SSBP3: variants seen among roughly 807,000 people sequenced by gnomAD.
SSBP3 encodes the protein single stranded DNA binding protein 3.
SSBP3 carries 5 observed loss-of-function variants against 69.6 expected under a neutral mutation model. The observed-to-expected ratio is 0.07, with a 90% confidence interval of 0.04 to 0.15. The LOEUF is 0.15. SSBP3 is among the 10% of genes least tolerant of loss of function. The probability of loss-of-function intolerance (pLI) is 1.00; values close to 1 mark genes in which losing one functional copy is unlikely to be tolerated. For missense variants in SSBP3, 312 were observed against 534.0 expected, an observed-to-expected ratio of 0.58 and a Z score of 4.10; for synonymous variants, 196 against 193.4, an observed-to-expected ratio of 1.01 and a Z score of -0.11.
intron 7 of SSBP3, among the ~76,000 whole-genome samples, chr1:54,253,181 T>TA (rs1644861291): frequency 6.8e-6 from 1 of 146,318 alleles, no homozygotes; most frequent in African/African-American, 2.6e-5. Flanking sequence ...TTTGTTTTTT[T>TA]TTTAGTTTTT....
intron 4 of SSBP3, among the ~76,000 whole-genome samples, chr1:54,396,695 A>C (rs920075587): frequency 6.6e-6 from 1 of 152,184 alleles, no homozygotes; most frequent in Non-Finnish European, 1.5e-5. Flanking sequence ...CCAAGTTTGC[A>C]AATGCTTAGC....
chr1:54,401,579 G>C (rs1411589908), intron 4 of SSBP3, among the ~76,000 whole-genome samples: 1 of 152,148 alleles, frequency 6.6e-6, no homozygotes. Flanking sequence ...CTTAACATAA[G>C]TCTCACAGTT....
intron 4 of SSBP3, among the ~76,000 whole-genome samples, chr1:54,362,590 G>A (rs1646966545): frequency 6.6e-6 from 1 of 152,212 alleles, no homozygotes; most frequent in Admixed American, 6.5e-5. Context: ...CCCCTACATA[G>A]GCGCAAGATA....
intron 4 of SSBP3, among the ~76,000 whole-genome samples, chr1:54,283,498 T>C (rs867934659): frequency 2.0e-5 from 3 of 152,128 alleles, no homozygotes; most frequent in Admixed American, 1.3e-4. Context: ...AAAAATGAGA[T>C]AGCTGTTGTC....
chr1:54,389,889 A>C (rs72665960), intron 4 of SSBP3, among the ~76,000 whole-genome samples: 1 of 143,616 alleles, frequency 7.0e-6, no homozygotes, highest in African/African-American at 2.5e-5. Flanking sequence ...AAAAAAAAAA[A>C]TTTTTTTTTT....
At chr1:54,275,134 C>T (rs1483282261) in intron 5 of SSBP3, among the ~76,000 whole-genome samples, 1 of 152,198 alleles carries the variant, frequency 6.6e-6, no homozygotes, top group Admixed American at 6.5e-5. Context: ...TCCGTGGCTG[C>T]CTCTTGGGTG....
At position 54,389,871 on chromosome 1, in the gene SSBP3, CCT is replaced by C. The variant is rs955824794; in HGVS notation, c.276+11988_276+11989del. The stretch of plus-strand genomic sequence containing the variant: ...TCCAGCCTGGGCAACACAGCAAGAC[CCT>C]GTCTCAAAAAAAAAAATTTTTTTTT... On this transcript the variant is annotated intron_variant, in intron 4 of 17. Transcript: ENST00000610401. 1.6e-4 allele frequency among the ~76,000 whole-genome samples: 22 copies of C among 137,962 alleles called. No homozygotes were observed. The East Asian group carries it at 4.2e-3, about 26-fold the overall frequency. 90.5% of individuals were successfully genotyped at this position (137,962 alleles called of 152,430 possible). A position where few individuals can be genotyped will look rare whatever the true frequency, so the allele number is the denominator to read the frequency against.
At chr1:54,411,734 T>C (rs934559317) in intron 1 of SSBP3, among the ~76,000 whole-genome samples, 1 of 150,530 alleles carries the variant, frequency 6.6e-6, no homozygotes, top group African/African-American at 2.4e-5. Flanking sequence ...CTACTAAAAA[T>C]ACAAAAAATT....
intron 6 of SSBP3, 44 bp from the exon 7 acceptor site, chr1:54,257,230 C>T: frequency 6.6e-7 from 1 of 1,526,198 alleles, no homozygotes; most frequent in South Asian, 1.3e-5. Context: ...TGCCCTACTG[C>T]ACAGTGACAA....
At chr1:54,397,020 A>G (rs557601422) in intron 4 of SSBP3, among the ~76,000 whole-genome samples, 9 of 152,326 alleles carry the variant, frequency 5.9e-5, no homozygotes, top group African/African-American at 2.2e-4. Context: ...GAGCTTAAAG[A>G]GGGGCTGCAA....
At position 54,337,485 on chromosome 1, in the gene SSBP3, C is replaced by CTTTTTTTTTTTTTT. The variant is rs869039822; in HGVS notation, c.277-55972_277-55959dup. 1.7e-3 allele frequency among the ~76,000 whole-genome samples: 89 copies of CTTTTTTTTTTTTTT among 51,166 alleles called. 15 individuals carry two copies. The highest frequency in any genetic ancestry group is 8.4e-3 in the East Asian group (9 of 1,070). 33.6% of individuals were successfully genotyped at this position (51,166 alleles called of 152,430 possible). A position where few individuals can be genotyped will look rare whatever the true frequency, so the allele number is the denominator to read the frequency against. ...ACCAAAGCATTTTGTTTTCCTCAAG[C>CTTTTTTTTTTTTTT]TTTTTTTTTTTTTTTTTTTTTTTTT... is the stretch of plus-strand genomic sequence containing the variant. On this transcript the variant is annotated intron_variant, in intron 4 of 17. Coordinates refer to ENST00000610401, the Ensembl canonical transcript of SSBP3.
exon 4 of SSBP3, chr1:54,401,891 A>G (rs770411049): frequency 6.2e-7 from 1 of 1,614,098 alleles, no homozygotes; most frequent in South Asian, 1.1e-5. Flanking sequence ...CTTCACTTGA[A>G]TGTTCACAAG....
chr1:54,274,020 G>C (rs1207850585), intron 5 of SSBP3, among the ~76,000 whole-genome samples: 2 of 152,338 alleles, frequency 1.3e-5, no homozygotes, highest in East Asian at 3.9e-4. Context: ...GGAGGAGCTG[G>C]AGGGGGTGGT....
chr1:54,363,467 G>A (rs1646981156), intron 4 of SSBP3, among the ~76,000 whole-genome samples: 1 of 152,160 alleles, frequency 6.6e-6, no homozygotes, highest in Non-Finnish European at 1.5e-5. Flanking sequence ...GCAATCTGAT[G>A]CCACATCGGA....
intron 5 of SSBP3, among the ~76,000 whole-genome samples, chr1:54,274,644 G>GC (rs1645252491): frequency 6.6e-6 from 1 of 152,126 alleles, no homozygotes; most frequent in African/African-American, 2.4e-5. Context: ...GTCTCACCCA[G>GC]CCGCCACTCC....
At chr1:54,401,988 A>G (rs777475284) in intron 3 of SSBP3, 43 bp from the exon 4 acceptor site, 8 of 1,563,552 alleles carry the variant, frequency 5.1e-6, no homozygotes, top group Non-Finnish European at 7.0e-6. Context: ...ACTAATTATT[A>G]CTTGTGTACA....
At chr1:54,245,675 G>C (rs952287096) in intron 9 of SSBP3, among the ~76,000 whole-genome samples, 1 of 152,182 alleles carries the variant, frequency 6.6e-6, no homozygotes, top group Non-Finnish European at 1.5e-5. Flanking sequence ...GGCAGGCCCC[G>C]CCTCACCCTG....
chr1:54,369,218 C>CGG (rs11433392), intron 4 of SSBP3, among the ~76,000 whole-genome samples: 6,289 of 124,162 alleles, frequency 0.051, 320 homozygotes, highest in African/African-American at 0.13. Flanking sequence ...CCTCTTGAGT[C>CGG]GGGGGGGGGG....
At chr1:54,298,830 C>T (rs539768986) in intron 4 of SSBP3, among the ~76,000 whole-genome samples, 5 of 152,204 alleles carry the variant, frequency 3.3e-5, no homozygotes, top group East Asian at 1.9e-4. Context: ...AAATACGCGT[C>T]GCCCACTTCT....
Sources: gnomAD v4.1 joint callset for allele counts (sites outside exome capture counted in the v4.1 genomes callset) on GRCh38, gnomAD v4.1.1 for gene constraint, MANE v1.5 for transcripts, NCBI Gene and HGNC (gene_info 2026-07-23, HGNC 2026-07-21) for gene names.